ALK: variants seen among roughly 807,000 people sequenced by gnomAD.
ALK encodes ALK receptor tyrosine kinase.
Under a neutral mutation model 163.1 loss-of-function variants are expected in ALK, and 74 were observed. The ratio of observed to expected loss-of-function variants is 0.45; its 90% CI spans 0.38 to 0.55. The LOEUF is 0.55. ALK is among the 20% of genes least tolerant of loss of function. The pLI, the probability that ALK is intolerant of heterozygous loss-of-function variation, is 0.00. For synonymous variants in ALK, 960 were observed against 843.2 expected, an observed-to-expected ratio of 1.14 and a Z score of -2.40; for missense variants, 2,063 against 2,105.3, an observed-to-expected ratio of 0.98 and a Z score of 0.39.
intron 4 of ALK, among the ~76,000 whole-genome samples, chr2:29,481,791 T>C (rs1361786585): frequency 6.6e-6 from 1 of 152,168 alleles, no homozygotes; most frequent in Non-Finnish European, 1.5e-5. Context: ...AAGTGATAAG[T>C]GACAGGAAGG....
Position 29,497,326 on chromosome 2 carries a change from G to C in ALK, c.1154+34589C>G, listed in dbSNP as rs1445328134. Among the ~76,000 whole-genome samples, 5 of 151,818 alleles carry C rather than the reference G, an allele frequency of 3.3e-5. No homozygotes were observed. In the Middle Eastern group the frequency reaches 0.014, roughly 419 times the overall value. On this transcript the variant is annotated intron_variant, in intron 4 of 28. Coordinates refer to ENST00000389048, the MANE Select transcript of ALK (RefSeq NM_004304.5). ...GTGGTCATCACAGGCTCTGCCACCA[G>C]AGCCCTGTGAATGTTCTCCAGGTCT...
intron 1 of ALK, among the ~76,000 whole-genome samples, chr2:29,832,082 T>G (rs1047428619): frequency 6.6e-6 from 1 of 152,200 alleles, no homozygotes; most frequent in Non-Finnish European, 1.5e-5. Context: ...GAGATGAGGT[T>G]CCCTGTATGC....
At chr2:29,687,201 G>T (rs1308172397) in intron 3 of ALK, among the ~76,000 whole-genome samples, 1 of 151,904 alleles carries the variant, frequency 6.6e-6, no homozygotes, top group Non-Finnish European at 1.5e-5. Flanking sequence ...TTAGATGCTG[G>T]GATTGGCCCC....
chr2:29,600,418 C>T (rs1248865222), intron 3 of ALK, among the ~76,000 whole-genome samples: 1 of 152,048 alleles, frequency 6.6e-6, no homozygotes, highest in Non-Finnish European at 1.5e-5. Flanking sequence ...AGGTGGTTAT[C>T]AAAGAGAAAA....
chr2:29,916,422 G>A (rs1025343688), intron 1 of ALK, among the ~76,000 whole-genome samples: 3 of 152,120 alleles, frequency 2.0e-5, no homozygotes, highest in Admixed American at 1.3e-4. Context: ...TTGTAAATCA[G>A]TCCCTTCAAC....
chr2:29,692,217 G>T (rs1471904798), intron 3 of ALK, among the ~76,000 whole-genome samples: 10 of 152,158 alleles, frequency 6.6e-5, no homozygotes, highest in Non-Finnish European at 1.0e-4. Flanking sequence ...CCTGACAATA[G>T]CAATACTGAT....
chr2:29,501,579 T>C (rs959170805), intron 4 of ALK, among the ~76,000 whole-genome samples: 3 of 152,178 alleles, frequency 2.0e-5, no homozygotes, highest in Non-Finnish European at 4.4e-5. Flanking sequence ...AAAGTACAGG[T>C]TCCCCTCAAT....
chr2:29,371,989 C>T (rs80054806), intron 5 of ALK, among the ~76,000 whole-genome samples: 3 of 152,220 alleles, frequency 2.0e-5, no homozygotes, highest in Non-Finnish European at 4.4e-5. Context: ...GATGCTTTAT[C>T]TTAACATTTG....
intron 4 of ALK, among the ~76,000 whole-genome samples, chr2:29,450,674 A>G (rs893291332): frequency 2.6e-5 from 4 of 152,208 alleles, no homozygotes; most frequent in African/African-American, 9.6e-5. Context: ...TCTTAAGTCT[A>G]CTGATTCATG....
chr2:29,251,677 C>T (rs542810680), intron 11 of ALK, among the ~76,000 whole-genome samples: 3 of 152,366 alleles, frequency 2.0e-5, no homozygotes, highest in African/African-American at 4.8e-5. Flanking sequence ...CTCCCAGTCT[C>T]TCACCGAGCC....
At chr2:29,567,371 G>A (rs1225807474) in intron 3 of ALK, among the ~76,000 whole-genome samples, 1 of 152,184 alleles carries the variant, frequency 6.6e-6, no homozygotes, top group African/African-American at 2.4e-5. Context: ...TTCTGCCAGT[G>A]TTTTCCATCT....
At position 29,246,154 on chromosome 2, in the gene ALK, G is replaced by C. The variant is rs1440846868; in HGVS notation, c.2204+4951C>G. On this transcript the variant is annotated intron_variant, in intron 12 of 28. Transcript: ENST00000389048. This position sits in a 1 kb window ranked among gnomAD's most constrained non-coding sequence, Gnocchi z 4.3. ...ATGGTAGTGGGTGGGGAGGAGATGG[G>C]GGCAGGACTGCGGGCTGAGAAGGAT... is the stretch of plus-strand genomic sequence containing the variant. Among the ~76,000 whole-genome samples, 1 of 152,064 alleles carries C rather than the reference G, an allele frequency of 6.6e-6. No individual in the cohort carries two copies. The highest frequency in any genetic ancestry group is 1.5e-5 in the Non-Finnish European group (1 of 68,006).
At chr2:29,314,422 G>A (rs961253618) in intron 8 of ALK, among the ~76,000 whole-genome samples, 4 of 152,118 alleles carry the variant, frequency 2.6e-5, no homozygotes, top group African/African-American at 4.8e-5. Context: ...TAGAGGTGAC[G>A]TCAGGGGTGG....
At chr2:29,696,530 T>TAAAAAAAAAA (rs60320646) in intron 2 of ALK, among the ~76,000 whole-genome samples, 1 of 103,850 alleles carries the variant, frequency 9.6e-6, no homozygotes, top group African/African-American at 3.6e-5. Context: ...CTTAAAGGAT[T>TAAAAAAAAAA]AAAAAAAAAA....
intron 1 of ALK, among the ~76,000 whole-genome samples, chr2:29,730,563 T>C (rs1226321479): frequency 6.6e-6 from 1 of 152,172 alleles, no homozygotes; most frequent in African/African-American, 2.4e-5. Context: ...AAGCCTTTGA[T>C]CCTCATAAAG....
At chr2:29,678,819 A>T (rs1217042401) in intron 3 of ALK, among the ~76,000 whole-genome samples, 1 of 151,766 alleles carries the variant, frequency 6.6e-6, no homozygotes, top group Non-Finnish European at 1.5e-5. Flanking sequence ...GTCTATATTG[A>T]AGAATGTTCT....
intron 4 of ALK, among the ~76,000 whole-genome samples, chr2:29,441,240 G>T (rs1670535028): frequency 6.6e-6 from 1 of 152,244 alleles, no homozygotes; most frequent in Admixed American, 6.5e-5. Flanking sequence ...GGGTCTCCCT[G>T]TGTACCTCAC....
intron 9 of ALK, among the ~76,000 whole-genome samples, chr2:29,277,292 G>A (rs776297252): frequency 1.3e-5 from 2 of 152,228 alleles, no homozygotes; most frequent in African/African-American, 2.4e-5. Flanking sequence ...CTCCCGTTGC[G>A]CCTGTGTGCA....
At chr2:29,308,329 G>T (rs1481105023) in intron 8 of ALK, among the ~76,000 whole-genome samples, 1 of 147,374 alleles carries the variant, frequency 6.8e-6, no homozygotes, top group Non-Finnish European at 1.5e-5. Context: ...TAAGATTTTG[G>T]GCAATTTCAA....
Sources: allele counts gnomAD v4.1 joint callset (sites outside exome capture counted in the v4.1 genomes callset), GRCh38; gene constraint gnomAD v4.1.1; non-coding constraint Gnocchi (gnomAD v3.1); transcripts MANE v1.5; gene names NCBI Gene and HGNC (gene_info 2026-07-23, HGNC 2026-07-21).